The following AP2B1 variants were observed in gnomAD, a reference collection of about 807,000 sequenced individuals.
AP2B1 encodes the protein adaptor related protein complex 2 subunit beta 1, also known as AP-2 complex subunit beta.
In AP2B1, 23 loss-of-function variants were observed where a neutral mutation model predicts 102.0. The ratio of observed to expected loss-of-function variants is 0.23; its 90% CI spans 0.16 to 0.32. AP2B1 has a LOEUF of 0.32. AP2B1 is among the 10% of genes least tolerant of loss of function. The pLI is 1.00. For synonymous variants in AP2B1, 381 were observed against 421.2 expected (o/e 0.90, Z 1.17); for missense variants, 541 against 1,157.4 (o/e 0.47, Z 7.73).
chr17:35,709,068 T>A (rs1689914553), intron 18 of AP2B1, among the ~76,000 whole-genome samples, 156 bp from the exon 19 acceptor site: 1 of 152,122 alleles, frequency 6.6e-6, no homozygotes, highest in Non-Finnish European at 1.5e-5. Flanking sequence ...AGGGTGTGCT[T>A]TGCAGTATAT....
intron 2 of AP2B1, chr17:35,597,241 G>A (rs145885714): frequency 4.0e-4 from 144 of 357,678 alleles, no homozygotes; most frequent in African/African-American, 2.7e-3. Flanking sequence ...TGAGCTGGAG[G>A]ATGTAGATGG....
At chr17:35,716,933 A>G (rs1906251171) in intron 20 of AP2B1, among the ~76,000 whole-genome samples, 2 of 152,224 alleles carry the variant, frequency 1.3e-5, no homozygotes. Flanking sequence ...CCAATATCAT[A>G]ATCTCCAAAG....
chr17:35,633,927 A>G (rs2074534450), intron 9 of AP2B1, among the ~76,000 whole-genome samples: 1 of 152,144 alleles, frequency 6.6e-6, no homozygotes, highest in Non-Finnish European at 1.5e-5. Context: ...CGGGCGGATC[A>G]CTTGAGGCCA....
At chr17:35,626,598 T>G (rs749382011) in intron 6 of AP2B1, 23 bp from the exon 7 acceptor site, 4 of 1,540,128 alleles carry the variant, frequency 2.6e-6, no homozygotes, top group Non-Finnish European at 3.6e-6. Flanking sequence ...TTCATGATAT[T>G]AATTTTCATT....
chr17:35,623,913 G>T (rs2074249539), intron 5 of AP2B1, among the ~76,000 whole-genome samples: 1 of 152,148 alleles, frequency 6.6e-6, no homozygotes, highest in Non-Finnish European at 1.5e-5. Context: ...GTGAACTAGG[G>T]TCTCAGGCCC....
chr17:35,612,724 A>G (rs2073898629), intron 5 of AP2B1, among the ~76,000 whole-genome samples: 1 of 152,154 alleles, frequency 6.6e-6, no homozygotes, highest in Non-Finnish European at 1.5e-5. Context: ...ATCCCAACCT[A>G]GTTCTGAGTC....
chr17:35,593,955 G>GC (rs1455789852), intron 1 of AP2B1, 53 bp from the exon 2 acceptor site: 1 of 896,968 alleles, frequency 1.1e-6, no homozygotes, highest in East Asian at 2.9e-5. Context: ...TTAATTGGAT[G>GC]CCTTGTTGGA....
chr17:35,695,025 A>G (rs587673057), intron 18 of AP2B1, among the ~76,000 whole-genome samples: 1 of 152,358 alleles, frequency 6.6e-6, no homozygotes, highest in South Asian at 2.1e-4. Flanking sequence ...AACCAAGGGC[A>G]CATCAGCCAG....
intron 21 of AP2B1, among the ~76,000 whole-genome samples, chr17:35,720,557 ATATATATATATATATATTTTT>A (rs2085336631): frequency 6.4e-5 from 3 of 47,086 alleles, no homozygotes; most frequent in African/African-American, 2.4e-4. Flanking sequence ...ATATATATAT[ATATATATATATATATATTTTT>A]TTTTTTTTTT....
chr17:35,626,303 CAA>C (rs1414787818), intron 6 of AP2B1, among the ~76,000 whole-genome samples: 2 of 151,992 alleles, frequency 1.3e-5, no homozygotes, highest in Admixed American at 6.6e-5. Context: ...TATGGGGAGA[CAA>C]AGAGGACTAT....
intron 17 of AP2B1, among the ~76,000 whole-genome samples, chr17:35,675,654 G>T (rs556318189): frequency 2.7e-5 from 4 of 150,908 alleles, no homozygotes; most frequent in Non-Finnish European, 5.9e-5. Flanking sequence ...TTTGTGGGGG[G>T]ATGGAGTCTT....
At chr17:35,602,773 A>G (rs2073532889) in intron 3 of AP2B1, among the ~76,000 whole-genome samples, 1 of 152,190 alleles carries the variant, frequency 6.6e-6, no homozygotes, top group Non-Finnish European at 1.5e-5. Context: ...TGGAAAGTTC[A>G]GGTTTCTAGT....
intron 5 of AP2B1, among the ~76,000 whole-genome samples, chr17:35,612,907 C>CAG (rs2073907509): frequency 7.2e-6 from 1 of 138,766 alleles, no homozygotes. Flanking sequence ...CACACACACA[C>CAG]AGAACTGCTT....
intron 2 of AP2B1, among the ~76,000 whole-genome samples, chr17:35,596,521 T>C (rs2073279641): frequency 9.3e-6 from 1 of 107,302 alleles, no homozygotes; most frequent in Admixed American, 8.5e-5. Context: ...ATTTCTTTCT[T>C]TTTTTTTTTT....
chr17:35,709,960 A>G (rs1376754060), intron 19 of AP2B1, among the ~76,000 whole-genome samples: 3 of 152,238 alleles, frequency 2.0e-5, no homozygotes, highest in Non-Finnish European at 2.9e-5. Context: ...ATTAAGGCTC[A>G]GAAAGGTCAT....
At chr17:35,605,614 T>A in intron 3 of AP2B1, 91 bp from the exon 4 acceptor site, 2 of 865,606 alleles carry the variant, frequency 2.3e-6, no homozygotes, top group Non-Finnish European at 3.7e-6. Flanking sequence ...TTGCATCAAA[T>A]CACTGTTAGT....
intron 12 of AP2B1, among the ~76,000 whole-genome samples, chr17:35,644,197 G>C (rs562350772): frequency 1.3e-5 from 2 of 152,214 alleles, no homozygotes; most frequent in Admixed American, 6.5e-5. Context: ...TCTAGGTCTT[G>C]CCCATGGTCT....
At chr17:35,722,223 G>A (rs1482538913) in intron 21 of AP2B1, among the ~76,000 whole-genome samples, 1 of 152,182 alleles carries the variant, frequency 6.6e-6, no homozygotes, top group South Asian at 2.1e-4. Flanking sequence ...CAGCCTGGGT[G>A]ACAGAGCAAG....
At chr17:35,637,050 T>G (rs954756238) in intron 10 of AP2B1, among the ~76,000 whole-genome samples, 21 of 152,380 alleles carry the variant, frequency 1.4e-4, no homozygotes, top group Admixed American at 9.1e-4. Context: ...TTTTTCAGAT[T>G]GAGGGCCTCT....
Sources: gnomAD v4.1 joint callset for allele counts (sites outside exome capture counted in the v4.1 genomes callset) on GRCh38, gnomAD v4.1.1 for gene constraint, MANE v1.5 for transcripts, NCBI Gene and HGNC (gene_info 2026-07-23, HGNC 2026-07-21) for gene names.